VPS35L: variants seen among roughly 807,000 people sequenced by gnomAD.
The protein encoded by VPS35L is VPS35 endosomal protein sorting factor like, also known as VPS35 endosomal protein-sorting factor-like.
VPS35L carries 83 observed loss-of-function variants against 133.0 expected under a neutral mutation model. That is an observed-to-expected ratio of 0.62 (90% CI 0.52 to 0.75). The LOEUF (loss-of-function observed/expected upper bound fraction) is 0.75. Among genes scored for constraint, VPS35L ranks in the 30% least tolerant of loss-of-function variants. The pLI is 0.00. For missense variants in VPS35L, 1,083 were observed against 1,206.8 expected, an observed-to-expected ratio of 0.90 and a Z score of 1.52; for synonymous variants, 423 against 449.9, an observed-to-expected ratio of 0.94 and a Z score of 0.76.
At chr16:19,589,665 A>G (rs1461064803) in intron 7 of VPS35L, among the ~76,000 whole-genome samples, 1 of 152,234 alleles carries the variant, frequency 6.6e-6, no homozygotes, top group Non-Finnish European at 1.5e-5. Flanking sequence ...AAGTAACTTC[A>G]ATTTATAAGA....
At chr16:19,569,629 G>A in intron 3 of VPS35L, 38 bp downstream of exon 3, 1 of 1,500,998 alleles carries the variant, frequency 6.7e-7, no homozygotes, top group Non-Finnish European at 8.9e-7. Context: ...GTGGGGGTTG[G>A]TTTTGTGGGT....
chr16:19,568,876 C>T (rs1399847674), intron 2 of VPS35L, among the ~76,000 whole-genome samples: 1 of 152,096 alleles, frequency 6.6e-6, no homozygotes, highest in African/African-American at 2.4e-5. Context: ...AAACTCCTGG[C>T]TTCAAGTGAT....
intron 28 of VPS35L, among the ~76,000 whole-genome samples, chr16:19,684,040 C>T (rs961697106): frequency 6.6e-6 from 1 of 152,162 alleles, no homozygotes; most frequent in African/African-American, 2.4e-5. Context: ...TGTTCCTTAC[C>T]ACAGTCTCAG....
intron 22 of VPS35L, among the ~76,000 whole-genome samples, chr16:19,643,964 A>G (rs1312470563): frequency 1.3e-5 from 2 of 152,108 alleles, no homozygotes; most frequent in African/African-American, 4.8e-5. Context: ...ATCTCAAAAC[A>G]AAAACAAAAA....
chr16:19,637,731 C>A, intron 20 of VPS35L, 75 bp downstream of exon 20: 1 of 1,030,332 alleles, frequency 9.7e-7, no homozygotes, highest in South Asian at 1.6e-5. Context: ...GTAATGTTTT[C>A]ATGATGCCCC....
intron 26 of VPS35L, among the ~76,000 whole-genome samples, chr16:19,662,859 G>A (rs186768592): frequency 3.9e-4 from 60 of 152,180 alleles, no homozygotes; most frequent in Admixed American, 1.4e-3. Context: ...CATGGTAGCA[G>A]ACGCCTATAA....
At chr16:19,666,320 T>A (rs1974662473) in intron 26 of VPS35L, among the ~76,000 whole-genome samples, 2 of 152,206 alleles carry the variant, frequency 1.3e-5, no homozygotes, top group Admixed American at 1.3e-4. Flanking sequence ...CCGTTATATC[T>A]TAAATGAGCT....
chr16:19,583,185 G>T (rs748639059), intron 7 of VPS35L, among the ~76,000 whole-genome samples: 1 of 151,830 alleles, frequency 6.6e-6, no homozygotes, highest in Admixed American at 6.6e-5. Flanking sequence ...CAACTAACAC[G>T]CAATCTAGTT....
At chr16:19,644,623 G>A (rs1973882610) in intron 22 of VPS35L, among the ~76,000 whole-genome samples, 1 of 152,192 alleles carries the variant, frequency 6.6e-6, no homozygotes, top group Non-Finnish European at 1.5e-5. Context: ...TTCCAAAGAA[G>A]TGAAAGTTAC....
At chr16:19,560,904 A>T (rs58372263) in intron 1 of VPS35L, among the ~76,000 whole-genome samples, 23 of 150,198 alleles carry the variant, frequency 1.5e-4, no homozygotes, top group African/African-American at 2.0e-4. Flanking sequence ...TTTTTTTTTT[A>T]AATAAATCGA....
intron 28 of VPS35L, among the ~76,000 whole-genome samples, 172 bp downstream of exon 28, chr16:19,682,562 T>TA (rs1975323447): frequency 6.6e-6 from 1 of 152,324 alleles, no homozygotes; most frequent in Admixed American, 6.5e-5. Flanking sequence ...GAGCAACTCT[T>TA]AAGAGTACAG....
chr16:19,698,597 G>A (rs569785946), intron 29 of VPS35L, among the ~76,000 whole-genome samples: 56 of 152,314 alleles, frequency 3.7e-4, no homozygotes, highest in Non-Finnish European at 7.1e-4. Flanking sequence ...GAGCTGTCAT[G>A]AAGGTTAAAT....
chr16:19,604,124 G>T (rs1972471138), intron 9 of VPS35L, among the ~76,000 whole-genome samples: 1 of 150,704 alleles, frequency 6.6e-6, no homozygotes, highest in African/African-American at 2.5e-5. Flanking sequence ...AACCAAAATA[G>T]GTTTTTTTTT....
At chr16:19,690,918 T>C (rs1245179224) in intron 28 of VPS35L, among the ~76,000 whole-genome samples, 1 of 150,896 alleles carries the variant, frequency 6.6e-6, no homozygotes, top group Non-Finnish European at 1.5e-5. Flanking sequence ...GCCAAGATCG[T>C]GCCACTGCAC....
chr16:19,619,294 A>T (rs1973001378), intron 14 of VPS35L, among the ~76,000 whole-genome samples: 1 of 152,008 alleles, frequency 6.6e-6, no homozygotes, highest in African/African-American at 2.4e-5. Context: ...ACTTTTTGAG[A>T]TTCTAAATTA....
At chr16:19,558,976 G>GTTT (rs11369614) in intron 1 of VPS35L, among the ~76,000 whole-genome samples, 23 of 150,666 alleles carry the variant, frequency 1.5e-4, no homozygotes, top group African/African-American at 4.9e-4. Context: ...CATTTTAAGA[G>GTTT]TTTTTTTTAT....
chr16:19,682,440 G>A (rs747156943), intron 28 of VPS35L, 50 bp downstream of exon 28: 18 of 1,565,134 alleles, frequency 1.2e-5, no homozygotes, highest in Middle Eastern at 1.8e-4. Context: ...TTTCATGAAA[G>A]GCAGACAGAA....
chr16:19,584,433 C>G (rs371797021), intron 7 of VPS35L, among the ~76,000 whole-genome samples: 4 of 152,102 alleles, frequency 2.6e-5, no homozygotes, highest in East Asian at 3.9e-4. Flanking sequence ...TCGAGACCAG[C>G]CTGGCCAACA....
Position 19,629,669 on chromosome 16 carries a change from GT to G in VPS35L, c.1501-95del, listed in dbSNP as rs1973382047. 6.0e-6 allele frequency: 6 copies of G among 1,002,798 alleles called. No individual in the cohort carries two copies. The African/African-American group carries it at 9.7e-5, about 16-fold the overall frequency. 62.1% of individuals were successfully genotyped at this position (1,002,798 alleles called of 1,614,324 possible). ...CAGTAATTAGCAAAAGGAAATTCCC[GT>G]TTCCAACCATTGAACAGAGCCAGCT... On this transcript the variant is annotated intron_variant, in intron 17 of 30. Coordinates refer to ENST00000417362, the MANE Select transcript of VPS35L (RefSeq NM_020314.7).
Sources: allele counts gnomAD v4.1 joint callset (sites outside exome capture counted in the v4.1 genomes callset), GRCh38; gene constraint gnomAD v4.1.1; transcripts MANE v1.5; gene names NCBI Gene and HGNC (gene_info 2026-07-23, HGNC 2026-07-21).